Variants in EYA4 observed in about 807,000 individuals in gnomAD.
The protein encoded by EYA4 is EYA transcriptional coactivator and phosphatase 4, also known as protein phosphatase EYA4.
In EYA4, 31 loss-of-function variants were observed where a neutral mutation model predicts 87.9. The observed-to-expected ratio is 0.35, with a 90% CI of 0.27 to 0.48. The LOEUF (loss-of-function observed/expected upper bound fraction) is 0.48. Among genes scored for constraint, EYA4 ranks in the 20% least tolerant of loss-of-function variants. The pLI, the probability that EYA4 is intolerant of heterozygous loss-of-function variation, is 0.99. For synonymous variants in EYA4, 263 were observed against 270.6 expected, an observed-to-expected ratio of 0.97 and a Z score of 0.28; for missense variants, 678 against 761.4, an observed-to-expected ratio of 0.89 and a Z score of 1.29.
chr6:133,369,922 C>G (rs1427102426), intron 2 of EYA4, among the ~76,000 whole-genome samples: 2 of 95,354 alleles, frequency 2.1e-5, no homozygotes, highest in African/African-American at 6.5e-5. Flanking sequence ...CACTGAAAGA[C>G]AGGAGCTGCT....
intron 1 of EYA4, among the ~76,000 whole-genome samples, chr6:133,272,681 A>G (rs528916001): frequency 1.8e-4 from 28 of 152,266 alleles, no homozygotes; most frequent in Admixed American, 1.4e-3. Context: ...AAAGGCTCCA[A>G]ACAGCATCCC....
Position 133,387,016 on chromosome 6 carries a change from AATT to A in EYA4, c.83+4580_83+4582del, listed in dbSNP as rs201902582. 5.6e-3 allele frequency among the ~76,000 whole-genome samples: 850 copies of A among 152,300 alleles called. 12 individuals carry two copies. Among genetic ancestry groups the A allele is most frequent in the African/African-American group, 0.019 (808 of 41,568 alleles). ...TTGCCCTAGTCTTTACTAACTTTCC[AATT>A]ATTAAGAGAAAGGCAAAATGACTTT... is the stretch of plus-strand genomic sequence containing the variant. On this transcript the variant is annotated intron_variant, in intron 3 of 19. Transcript: ENST00000355286.
intron 2 of EYA4, among the ~76,000 whole-genome samples, chr6:133,361,321 T>C (rs898763496): frequency 3.3e-5 from 5 of 152,276 alleles, no homozygotes; most frequent in East Asian, 3.9e-4. Context: ...CTGCCCATTA[T>C]AAAAAATATT....
rs186238371 is a variant in EYA4 at position 133,469,196 on chromosome 6, A to G, written c.970+465A>G. The stretch of plus-strand genomic sequence containing the variant: ...TTTGTGTGATCAGTGTGTATTTAAA[A>G]TCCATTGTGTGTTTCATTATCTGAA... On this transcript the variant is annotated intron_variant, in intron 11 of 19. Coordinates refer to ENST00000355286, the MANE Select transcript of EYA4 (RefSeq NM_004100.5). 1.6e-4 allele frequency among the ~76,000 whole-genome samples: 25 copies of G among 152,130 alleles called. No individual in the cohort carries two copies. The East Asian group carries it at 4.6e-3, about 28-fold the overall frequency.
At chr6:133,439,049 C>CAAAAAAAAA (rs56261819) in intron 3 of EYA4, among the ~76,000 whole-genome samples, 9 of 64,032 alleles carry the variant, frequency 1.4e-4, no homozygotes, top group African/African-American at 4.0e-4. Context: ...GACTCCGTCT[C>CAAAAAAAAA]AAAAAAAAAA....
Position 133,382,408 on chromosome 6 carries a change from C to T in EYA4, c.50C>T (p.Thr17Ile). The change falls in exon 3 of 20, where the codon ACA (threonine) becomes ATA (isoleucine). Residue 17 changes from threonine to isoleucine, a missense_variant. Thr to Ile is a moderately conservative substitution (Grantham distance 89). Transcript: ENST00000355286. ...LNEQSVKKTCTESDVSQSQNS... is the reference protein window; with the variant it reads ...LNEQSVKKTCIESDVSQSQNS... The stretch of plus-strand genomic sequence containing the variant: ...TTCTTACAGGTAAAGAAAACGTGCA[C>T]AGAATCAGATGTTTCACAATCTCAG... 6.2e-7 allele frequency: 1 copy of T among 1,610,474 alleles called. No homozygotes were observed. Among genetic ancestry groups the T allele is most frequent in the Non-Finnish European group, 8.5e-7 (1 of 1,176,794 alleles).
chr6:133,444,667 TGCC>T (rs1409818134), intron 3 of EYA4, among the ~76,000 whole-genome samples: 1 of 152,200 alleles, frequency 6.6e-6, no homozygotes. Context: ...AGATGAGGGC[TGCC>T]CTCAGAAAGA....
chr6:133,360,105 A>ATCTT (rs1304283597), intron 2 of EYA4: 2 of 152,214 alleles, frequency 1.3e-5, no homozygotes, highest in Non-Finnish European at 2.9e-5. Context: ...TACTCACAAG[A>ATCTT]AAGTTTTTAT....
intron 2 of EYA4, among the ~76,000 whole-genome samples, chr6:133,333,152 G>A (rs185144030): frequency 7.0e-4 from 106 of 152,276 alleles, no homozygotes; most frequent in African/African-American, 2.5e-3. Flanking sequence ...CATCCTCTGT[G>A]ATTATTGATT....
chr6:133,307,720 C>G (rs1322633421), intron 2 of EYA4, among the ~76,000 whole-genome samples: 1 of 152,136 alleles, frequency 6.6e-6, no homozygotes, highest in Non-Finnish European at 1.5e-5. Context: ...AAAATTATCT[C>G]ACTTATTCAT....
intron 2 of EYA4, among the ~76,000 whole-genome samples, chr6:133,373,010 G>A (rs1249191867): frequency 2.6e-5 from 4 of 151,856 alleles, no homozygotes; most frequent in African/African-American, 9.7e-5. Flanking sequence ...CAAAACTTTT[G>A]CATATGAATT....
rs572724115 is a variant in EYA4 at position 133,483,549 on chromosome 6, G to GT, written c.1191+440dup. On this transcript the variant is annotated intron_variant, in intron 13 of 19. Coordinates refer to ENST00000355286, the MANE Select transcript of EYA4 (RefSeq NM_004100.5). Reference sequence around the variant, plus strand: ...AGATCTTTTGGATTTATGAATGAGTGTTTTTTCTGTGACTTGAGTACACAT... The same window carrying GT: ...AGATCTTTTGGATTTATGAATGAGTGTTTTTTTCTGTGACTTGAGTACACAT... Among the ~76,000 whole-genome samples the GT allele has an allele frequency of 2.2e-3, 337 of 151,928 alleles. 1 individual carries two copies. Among genetic ancestry groups the GT allele is most frequent in the African/African-American group, 7.3e-3 (302 of 41,480 alleles).
At chr6:133,243,286 T>G (rs1774125117) in intron 1 of EYA4, among the ~76,000 whole-genome samples, 1 of 152,242 alleles carries the variant, frequency 6.6e-6, no homozygotes, top group South Asian at 2.1e-4. Context: ...TTAACAGTTT[T>G]CTTTCTCCCT....
intron 3 of EYA4, among the ~76,000 whole-genome samples, chr6:133,445,454 T>C (rs1034066650): frequency 3.3e-5 from 5 of 152,208 alleles, no homozygotes; most frequent in African/African-American, 1.2e-4. Flanking sequence ...TTGTTATAGT[T>C]CAGGTTGTTG....
chr6:133,397,809 A>C (rs1053361490), intron 3 of EYA4, among the ~76,000 whole-genome samples: 5 of 152,208 alleles, frequency 3.3e-5, no homozygotes, highest in African/African-American at 1.2e-4. Flanking sequence ...GGCCGACAAG[A>C]GAAGAGGGCT....
chr6:133,394,762 A>T (rs1787644797), intron 3 of EYA4, among the ~76,000 whole-genome samples: 1 of 152,232 alleles, frequency 6.6e-6, no homozygotes, highest in Non-Finnish European at 1.5e-5. Flanking sequence ...AGGCATAGTG[A>T]TAGTATTGAC....
chr6:133,287,851 G>C (rs1005606670), intron 2 of EYA4, among the ~76,000 whole-genome samples: 1 of 152,092 alleles, frequency 6.6e-6, no homozygotes, highest in Non-Finnish European at 1.5e-5. Context: ...CTTAAACCAA[G>C]TGGCCGGGCA....
At chr6:133,361,108 G>A (rs114158362) in intron 2 of EYA4, among the ~76,000 whole-genome samples, 1,843 of 152,258 alleles carry the variant, frequency 0.012, 28 homozygotes, top group South Asian at 0.046. Context: ...ATCACAATGG[G>A]TGGATCTGAA....
At chr6:133,362,580 G>C (rs755927688) in intron 2 of EYA4, among the ~76,000 whole-genome samples, 5 of 152,166 alleles carry the variant, frequency 3.3e-5, no homozygotes, top group Non-Finnish European at 7.3e-5. Context: ...CGCAGGTCAA[G>C]CCCAAATCAG....
Sources: allele counts gnomAD v4.1 joint callset (sites outside exome capture counted in the v4.1 genomes callset), GRCh38; gene constraint gnomAD v4.1.1; transcripts MANE v1.5; gene names NCBI Gene and HGNC (gene_info 2026-07-23, HGNC 2026-07-21).